Variants in LRRC4C observed in about 807,000 individuals in gnomAD.
LRRC4C encodes leucine-rich repeat-containing protein 4C.
Under a neutral mutation model 33.6 loss-of-function variants are expected in LRRC4C, and 5 were observed. The ratio of observed to expected loss-of-function variants is 0.15; its 90% CI spans 0.08 to 0.31. The LOEUF (loss-of-function observed/expected upper bound fraction) is 0.31, where lower values mean the gene tolerates loss of function less well. LRRC4C is among the 10% of genes least tolerant of loss of function. The probability of loss-of-function intolerance (pLI) is 1.00; values close to 1 mark genes in which losing one functional copy is unlikely to be tolerated. For synonymous variants in LRRC4C, 329 were observed against 302.0 expected (o/e 1.09, Z -0.93); for missense variants, 560 against 796.7 (o/e 0.70, Z 3.58).
chr11:40,844,706 T>G (rs1953075131), intron 2 of LRRC4C, among the ~76,000 whole-genome samples: 1 of 152,182 alleles, frequency 6.6e-6, no homozygotes, highest in Admixed American at 6.6e-5. Context: ...CTCCAAATAA[T>G]AATTCGACAA....
At chr11:41,265,971 A>T (rs1452320691) in intron 1 of LRRC4C, among the ~76,000 whole-genome samples, 1 of 152,076 alleles carries the variant, frequency 6.6e-6, no homozygotes, top group African/African-American at 2.4e-5. Context: ...GATAAAAATC[A>T]ATCACTTTGC....
At chr11:40,692,299 G>A (rs1427874685) in intron 2 of LRRC4C, among the ~76,000 whole-genome samples, 1 of 151,840 alleles carries the variant, frequency 6.6e-6, no homozygotes, top group African/African-American at 2.4e-5. Flanking sequence ...GGGTGAGGTG[G>A]GGGGGATGGG....
At chr11:40,444,524 ATATT>A (rs1179826295) in intron 3 of LRRC4C, among the ~76,000 whole-genome samples, 1 of 151,930 alleles carries the variant, frequency 6.6e-6, no homozygotes, top group African/African-American at 2.4e-5. Context: ...GGTTTTACTT[ATATT>A]TATTATATAG....
At chr11:40,176,649 T>G (rs933868321) in intron 5 of LRRC4C, among the ~76,000 whole-genome samples, 31 of 151,372 alleles carry the variant, frequency 2.0e-4, no homozygotes, top group Non-Finnish European at 1.5e-5. Flanking sequence ...CAAGCAATCC[T>G]CCAGCCTCAG....
At chr11:40,675,093 T>C (rs1271284761) in intron 2 of LRRC4C, among the ~76,000 whole-genome samples, 1 of 152,182 alleles carries the variant, frequency 6.6e-6, no homozygotes, top group Non-Finnish European at 1.5e-5. Flanking sequence ...ATTTATTTCA[T>C]TGACAAGGTA....
intron 4 of LRRC4C, among the ~76,000 whole-genome samples, chr11:40,267,256 A>G (rs1464586120): frequency 3.3e-5 from 5 of 152,204 alleles, no homozygotes; most frequent in Admixed American, 6.5e-5. Context: ...TAACTTACTA[A>G]GTTGTAACTG....
At chr11:40,731,704 T>G (rs2136790563) in intron 2 of LRRC4C, among the ~76,000 whole-genome samples, 1 of 152,304 alleles carries the variant, frequency 6.6e-6, no homozygotes, top group East Asian at 1.9e-4. Context: ...TCTGCCACTA[T>G]AATGTGCTAT....
At chr11:41,110,995 G>A (rs594429) in intron 1 of LRRC4C, among the ~76,000 whole-genome samples, 1 of 152,030 alleles carries the variant, frequency 6.6e-6, no homozygotes, top group East Asian at 1.9e-4. Context: ...TTTCTAGGAA[G>A]TTCTCAGAGA....
chr11:40,587,855 AT>A (rs1257170957), intron 3 of LRRC4C, among the ~76,000 whole-genome samples: 1 of 152,050 alleles, frequency 6.6e-6, no homozygotes, highest in Non-Finnish European at 1.5e-5. Flanking sequence ...AAGCTTTTTG[AT>A]GTGCTGCTGG....
At chr11:41,073,374 G>A (rs527486297) in intron 1 of LRRC4C, among the ~76,000 whole-genome samples, 1 of 152,090 alleles carries the variant, frequency 6.6e-6, no homozygotes, top group South Asian at 2.1e-4. Context: ...AATAGAGCAA[G>A]AGCTCCTTTC....
At chr11:40,885,117 C>A (rs60168360) in intron 2 of LRRC4C, among the ~76,000 whole-genome samples, 13,110 of 152,034 alleles carry the variant, frequency 0.086, 626 homozygotes, top group Non-Finnish European at 0.1. Context: ...TGCACTTGTA[C>A]CCCCTATACA....
chr11:40,217,292 G>T (rs922523219), intron 5 of LRRC4C, among the ~76,000 whole-genome samples: 39 of 151,972 alleles, frequency 2.6e-4, no homozygotes, highest in African/African-American at 9.2e-4. Flanking sequence ...TATAGCTAAG[G>T]AAATTAAAGT....
chr11:40,506,316 G>C (rs1955029698), intron 3 of LRRC4C, among the ~76,000 whole-genome samples: 1 of 152,136 alleles, frequency 6.6e-6, no homozygotes, highest in African/African-American at 2.4e-5. Context: ...CCAAGAGCTA[G>C]CAGACCATAT....
At chr11:40,148,618 C>T (rs1565053391) in intron 5 of LRRC4C, among the ~76,000 whole-genome samples, 1 of 152,098 alleles carries the variant, frequency 6.6e-6, no homozygotes, top group Non-Finnish European at 1.5e-5. Flanking sequence ...ATATTTTCTT[C>T]CATTCTGGGG....
intron 1 of LRRC4C, among the ~76,000 whole-genome samples, chr11:41,332,443 G>A (rs1951324665): frequency 6.6e-6 from 1 of 152,094 alleles, no homozygotes; most frequent in Non-Finnish European, 1.5e-5. Context: ...AGGTAAGCAT[G>A]CCTTTGCCAC....
chr11:40,440,795 G>A (rs1951357483), intron 3 of LRRC4C, among the ~76,000 whole-genome samples: 1 of 151,878 alleles, frequency 6.6e-6, no homozygotes, highest in African/African-American at 2.4e-5. Context: ...CAACAGTTCT[G>A]CTGAGGATGC....
At chr11:40,344,156 C>A (rs1223995153) in intron 3 of LRRC4C, among the ~76,000 whole-genome samples, 2 of 152,070 alleles carry the variant, frequency 1.3e-5, no homozygotes, top group Non-Finnish European at 2.9e-5. Flanking sequence ...TTCTATGAGG[C>A]CAGCATCATC....
At chr11:40,204,183 A>G (rs1410911146) in intron 5 of LRRC4C, among the ~76,000 whole-genome samples, 1 of 152,130 alleles carries the variant, frequency 6.6e-6, no homozygotes, top group Non-Finnish European at 1.5e-5. Context: ...CTCCCACCTC[A>G]GCCTCCCAGA....
At chr11:41,252,287 C>G (rs760823594) in intron 1 of LRRC4C, among the ~76,000 whole-genome samples, 3 of 152,074 alleles carry the variant, frequency 2.0e-5, no homozygotes, top group Non-Finnish European at 4.4e-5. Flanking sequence ...AGACTCCTAC[C>G]TTTTAATAGA....
Sources: allele counts gnomAD v4.1 joint callset (sites outside exome capture counted in the v4.1 genomes callset), GRCh38; gene constraint gnomAD v4.1.1; transcripts MANE v1.5; gene names NCBI Gene and HGNC (gene_info 2026-07-23, HGNC 2026-07-21).